CTIF: variants seen among roughly 807,000 people sequenced by gnomAD.
The protein encoded by CTIF is cap binding complex dependent translation initiation factor, also known as CBP80/20-dependent translation initiation factor.
CTIF carries 21 observed loss-of-function variants against 66.0 expected under a neutral mutation model. The observed-to-expected ratio is 0.32, with a 90% CI of 0.23 to 0.46. CTIF has a LOEUF of 0.46. Among genes scored for constraint, CTIF ranks in the 20% least tolerant of loss-of-function variants. CTIF has a pLI of 1.00. For synonymous variants in CTIF, 345 were observed against 326.4 expected (o/e 1.06, Z -0.62); for missense variants, 739 against 812.7 (o/e 0.91, Z 1.10).
intron 6 of CTIF, among the ~76,000 whole-genome samples, chr18:48,699,428 C>A (rs1219430374): frequency 1.6e-4 from 24 of 151,544 alleles, no homozygotes; most frequent in Non-Finnish European, 1.0e-4. Context: ...GGGGCTGGGG[C>A]TGGGGCTGGA....
At chr18:48,806,700 CTTTG>C (rs2068155125) in intron 9 of CTIF, among the ~76,000 whole-genome samples, 1 of 152,210 alleles carries the variant, frequency 6.6e-6, no homozygotes, top group African/African-American at 2.4e-5. Flanking sequence ...GTTTTTTCCC[CTTTG>C]CCTGTATACA....
At chr18:48,853,757 G>A (rs757391210) in intron 10 of CTIF, among the ~76,000 whole-genome samples, 2 of 152,238 alleles carry the variant, frequency 1.3e-5, no homozygotes, top group African/African-American at 2.4e-5. Flanking sequence ...AGCTCCTGTG[G>A]TGAATGCTGT....
intron 9 of CTIF, among the ~76,000 whole-genome samples, chr18:48,777,267 G>T (rs1480576816): frequency 1.3e-5 from 2 of 152,234 alleles, no homozygotes; most frequent in Non-Finnish European, 2.9e-5. Context: ...GCACCAGTGT[G>T]CAAGGCCAGC....
At chr18:48,771,990 AC>A (rs1168075700) in intron 9 of CTIF, among the ~76,000 whole-genome samples, 1 of 152,150 alleles carries the variant, frequency 6.6e-6, no homozygotes, top group African/African-American at 2.4e-5. Flanking sequence ...GTAACTGCTC[AC>A]CGCCCTGTCC....
chr18:48,595,409 G>A (rs987680834), intron 1 of CTIF, among the ~76,000 whole-genome samples: 2 of 152,028 alleles, frequency 1.3e-5, no homozygotes, highest in East Asian at 1.9e-4. Flanking sequence ...CTGAAACTAC[G>A]TACATTTATT....
At chr18:48,765,103 A>G (rs1909395612) in intron 9 of CTIF, among the ~76,000 whole-genome samples, 1 of 152,232 alleles carries the variant, frequency 6.6e-6, no homozygotes, top group Non-Finnish European at 1.5e-5. Context: ...GTGCAAGAAA[A>G]GAAAGCGATG....
At chr18:48,580,299 A>G (rs16949536) in intron 1 of CTIF, among the ~76,000 whole-genome samples, 3,100 of 152,292 alleles carry the variant, frequency 0.02, 106 homozygotes, top group African/African-American at 0.071. Context: ...AGGGTCAATG[A>G]CACATCTCCA....
chr18:48,733,874 C>T (rs2092476749), intron 7 of CTIF, among the ~76,000 whole-genome samples: 1 of 152,220 alleles, frequency 6.6e-6, no homozygotes, highest in Admixed American at 6.5e-5. Flanking sequence ...GCCCTCCCTT[C>T]CCCCAGTCTC....
chr18:48,627,897 G>A (rs1368622074), intron 2 of CTIF, among the ~76,000 whole-genome samples: 1 of 152,016 alleles, frequency 6.6e-6, no homozygotes, highest in Non-Finnish European at 1.5e-5. Context: ...TCTGGTGTGG[G>A]GCATACCACA....
chr18:48,684,774 C>T (rs1412706163), intron 6 of CTIF, among the ~76,000 whole-genome samples: 4 of 152,126 alleles, frequency 2.6e-5, no homozygotes. Context: ...TATCATTCTC[C>T]CTATGTAATT....
Position 48,737,718 on chromosome 18 carries a change from TAATG to T in CTIF, c.585-20196_585-20193del, listed in dbSNP as rs1438193185. ...TATTCCTGCTTACTTATATTAACGA[TAATG>T]AATGGATGGGTAAACATAAAACCAG... On this transcript the variant is annotated intron_variant, in intron 7 of 11. Coordinates refer to ENST00000256413, the MANE Select transcript of CTIF (RefSeq NM_014772.3). Among the ~76,000 whole-genome samples the T allele has an allele frequency of 2.6e-5, 4 of 152,272 alleles. 1 individual carries two copies. In the South Asian group the frequency reaches 6.2e-4, roughly 24 times the overall value.
In CTIF at chr18:48,775,987, C is replaced by A. The variant is rs191968485; in HGVS notation, c.1371+14298C>A. The stretch of plus-strand genomic sequence containing the variant: ...GCTTCTTGCCATTTCAGGCCAAGAC[C>A]ATATTTTCATCCAAAACTAAAACTT... On this transcript the variant is annotated intron_variant, in intron 9 of 11. Transcript: ENST00000256413. Among the ~76,000 whole-genome samples, 25 of 152,322 alleles carry A rather than the reference C, an allele frequency of 1.6e-4. No homozygotes were observed. The East Asian group carries it at 4.0e-3, about 25-fold the overall frequency.
intron 6 of CTIF, among the ~76,000 whole-genome samples, chr18:48,671,629 C>T (rs1240693763): frequency 6.6e-6 from 1 of 152,104 alleles, no homozygotes; most frequent in Non-Finnish European, 1.5e-5. Context: ...TGGTTTTCTT[C>T]ATGTTTCTCC....
intron 7 of CTIF, among the ~76,000 whole-genome samples, chr18:48,734,203 C>T (rs1197085366): frequency 6.6e-6 from 1 of 152,202 alleles, no homozygotes; most frequent in Non-Finnish European, 1.5e-5. Flanking sequence ...TGGGGAGACC[C>T]TCGGCTGCAC....
At chr18:48,810,937 T>C (rs1021100716) in intron 9 of CTIF, among the ~76,000 whole-genome samples, 1 of 152,062 alleles carries the variant, frequency 6.6e-6, no homozygotes, top group African/African-American at 2.4e-5. Context: ...TTTTTTTATA[T>C]CCTGTTTTCA....
chr18:48,702,750 C>T (rs2092100410), intron 6 of CTIF, among the ~76,000 whole-genome samples: 1 of 152,126 alleles, frequency 6.6e-6, no homozygotes. Flanking sequence ...GGTGAGCCTG[C>T]CCACCCCCGA....
chr18:48,621,800 G>A (rs985411507), intron 2 of CTIF, among the ~76,000 whole-genome samples: 2 of 152,208 alleles, frequency 1.3e-5, no homozygotes, highest in Admixed American at 6.5e-5. Context: ...GAGTTTAGCT[G>A]TAAAGGGGAG....
rs1300981570 is a variant in CTIF at position 48,730,642 on chromosome 18, TGGTGTGAGGGGCTTCTGC to T, written c.584+18975_584+18992del. 9.3e-4 allele frequency among the ~76,000 whole-genome samples: 23 copies of T among 24,688 alleles called. 1 individual carries two copies. The highest frequency in any genetic ancestry group is 4.9e-3 in the South Asian group (3 of 612). 16.2% of individuals were successfully genotyped at this position (24,688 alleles called of 152,430 possible). ...GCTCCTGCGGTGTGAGGGGCCCCTGTGGTGTGAGGGGCTTCTGCGGTGTGAGGGGCTTCTGCGGTGTGA... is the reference window on the plus strand; with the variant it reads ...GCTCCTGCGGTGTGAGGGGCCCCTGTGGTGTGAGGGGCTTCTGCGGTGTGA... On this transcript the variant is annotated intron_variant, in intron 7 of 11. Coordinates refer to ENST00000256413, the MANE Select transcript of CTIF (RefSeq NM_014772.3).
At chr18:48,576,612 G>A (rs1033033957) in intron 1 of CTIF, among the ~76,000 whole-genome samples, 2 of 152,178 alleles carry the variant, frequency 1.3e-5, no homozygotes, top group Non-Finnish European at 2.9e-5. Flanking sequence ...TGTGCCAGCC[G>A]GGGCGTAACC....
Sources: allele counts gnomAD v4.1 joint callset (sites outside exome capture counted in the v4.1 genomes callset), GRCh38; gene constraint gnomAD v4.1.1; transcripts MANE v1.5; gene names NCBI Gene and HGNC (gene_info 2026-07-23, HGNC 2026-07-21).